Variants in NCOA2 observed in about 807,000 individuals in gnomAD.
NCOA2 encodes the protein nuclear receptor coactivator 2.
A neutral mutation model predicts 145.1 loss-of-function variants in NCOA2; 21 were observed. That is an observed-to-expected ratio of 0.14 (90% confidence interval 0.10 to 0.21). NCOA2 has a LOEUF of 0.21. Ranked by LOEUF, NCOA2 falls within the 10% of genes least tolerant of loss-of-function variation. NCOA2 has a pLI of 1.00. For synonymous variants in NCOA2, 619 were observed against 637.5 expected (o/e 0.97, Z 0.44); for missense variants, 1,472 against 1,837.6 (o/e 0.80, Z 3.64).
chr8:70,404,250 T>G (rs78574007), upstream of NCOA2, among the ~76,000 whole-genome samples: 1 of 152,018 alleles, frequency 6.6e-6, no homozygotes, highest in African/African-American at 2.4e-5. Context: ...GAGGACTGCA[T>G]GGGAGGGCAA....
the NCOA2 span, among the ~76,000 whole-genome samples, chr8:70,415,260 T>C: frequency 6.6e-6 from 1 of 152,014 alleles, no homozygotes; most frequent in East Asian, 1.9e-4. Flanking sequence ...ACCCAGGAGT[T>C]TGAGGCTTCA....
chr8:70,257,357 G>C (rs1823716593), intron 2 of NCOA2, among the ~76,000 whole-genome samples: 1 of 152,128 alleles, frequency 6.6e-6, no homozygotes, highest in African/African-American at 2.4e-5. Flanking sequence ...CATTCCTTGG[G>C]GTCCTTCCTA....
Position 70,112,774 on chromosome 8 carries a change from G to A in NCOA2, c.*858C>T, listed in dbSNP as rs1038867299. ...AAAAAGGAATGAAAATAGGGAGTAT[G>A]GGGAATGAGAGAGGGGAAGGGAAGA... is the stretch of plus-strand genomic sequence containing the variant. On this transcript the variant is annotated 3_prime_UTR_variant, in exon 23 of 23. Coordinates refer to ENST00000452400, the MANE Select transcript of NCOA2 (RefSeq NM_006540.4). 4 of 209,974 alleles carry A rather than the reference G, an allele frequency of 1.9e-5. No individual in the cohort carries two copies. Among genetic ancestry groups the A allele is most frequent in the African/African-American group, 6.8e-5 (3 of 44,016 alleles). The allele number at this position is 209,974 out of a possible 1,614,324, so 13.0% of individuals were successfully genotyped here.
intron 4 of NCOA2, among the ~76,000 whole-genome samples, chr8:70,187,070 G>A (rs1161255143): frequency 6.6e-6 from 1 of 152,184 alleles, no homozygotes; most frequent in Middle Eastern, 3.2e-3. Context: ...TAAAGCAGTA[G>A]GCAATTAAAA....
chr8:70,124,936 A>T, intron 19 of NCOA2, 71 bp from the exon 20 acceptor site: 1 of 1,370,136 alleles, frequency 7.3e-7, no homozygotes. Flanking sequence ...GGTGGGGGGG[A>T]AAGAACATTC....
intron 4 of NCOA2, among the ~76,000 whole-genome samples, chr8:70,175,070 C>T (rs1814676724): frequency 6.6e-6 from 1 of 152,216 alleles, no homozygotes; most frequent in African/African-American, 2.4e-5. Context: ...GAACCTGTGG[C>T]TTGGATCCAC....
At chr8:70,274,253 A>C (rs2135360417) in intron 2 of NCOA2, among the ~76,000 whole-genome samples, 1 of 152,246 alleles carries the variant, frequency 6.6e-6, no homozygotes, top group East Asian at 1.9e-4. Flanking sequence ...TAACTAAAGC[A>C]ACAAGAAAAA....
chr8:70,316,710 A>G (rs1586468939), intron 1 of NCOA2, among the ~76,000 whole-genome samples: 1 of 152,332 alleles, frequency 6.6e-6, no homozygotes, highest in South Asian at 2.1e-4. Context: ...TTCCTGAGCC[A>G]GTGTAATAAG....
rs546960812 is a variant in NCOA2 at position 70,254,080 on chromosome 8, G to C, written c.-19-37316C>G. Among the ~76,000 whole-genome samples, 62 of 152,184 alleles carry C rather than the reference G, an allele frequency of 4.1e-4. No homozygotes were observed. In the South Asian group the frequency reaches 8.9e-3, roughly 22 times the overall value. On this transcript the variant is annotated intron_variant, in intron 2 of 22. Coordinates refer to ENST00000452400, the MANE Select transcript of NCOA2 (RefSeq NM_006540.4). ...GGAATCTGATTTAAAAACTGGCAAA[G>C]GACTTGAATACACATTTCTCCAAAG... is the stretch of plus-strand genomic sequence containing the variant.
At chr8:70,396,151 C>T (rs1225234614) in intron 1 of NCOA2, among the ~76,000 whole-genome samples, 1 of 152,214 alleles carries the variant, frequency 6.6e-6, no homozygotes, top group East Asian at 1.9e-4. Flanking sequence ...AAACATGCAT[C>T]ACACAATCTG....
intron 1 of NCOA2, among the ~76,000 whole-genome samples, chr8:70,374,209 C>A: frequency 6.6e-6 from 1 of 152,286 alleles, no homozygotes; most frequent in East Asian, 1.9e-4. Flanking sequence ...TGGTGGCTCA[C>A]GCCTATAATC....
chr8:70,395,850 A>G (rs1240885069), intron 1 of NCOA2, among the ~76,000 whole-genome samples: 2 of 152,218 alleles, frequency 1.3e-5, no homozygotes, highest in African/African-American at 2.4e-5. Flanking sequence ...TTTCATATGG[A>G]CACACTAAAT....
chr8:70,125,785 T>C (rs1199761027), intron 19 of NCOA2, among the ~76,000 whole-genome samples: 1 of 152,158 alleles, frequency 6.6e-6, no homozygotes, highest in Non-Finnish European at 1.5e-5. Context: ...ATTCAATGTA[T>C]GCTTCTTGTT....
rs747018939 is a variant in NCOA2 at position 70,249,963 on chromosome 8, C to CAAA, written c.-19-33202_-19-33200dup. Among the ~76,000 whole-genome samples, 95 of 75,216 alleles carry CAAA rather than the reference C, an allele frequency of 1.3e-3. 3 individuals are homozygous for CAAA. Among genetic ancestry groups the CAAA allele is most frequent in the African/African-American group, 4.2e-3 (74 of 17,824 alleles). 49.3% of individuals were successfully genotyped at this position (75,216 alleles called of 152,430 possible). On this transcript the variant is annotated intron_variant, in intron 2 of 22. Transcript: ENST00000452400. ...AGGCAACAGAGAGAGAATCTGCCTC[C>CAAA]AAAAAAAAAAAAAAAAGAAGAAGAA... is the stretch of plus-strand genomic sequence containing the variant.
intron 1 of NCOA2, among the ~76,000 whole-genome samples, chr8:70,375,824 T>C (rs1286577811): frequency 6.6e-6 from 1 of 152,196 alleles, no homozygotes; most frequent in East Asian, 1.9e-4. Flanking sequence ...AAGACCATAT[T>C]ATATACATGA....
At chr8:70,332,616 T>C (rs1201293073) in intron 1 of NCOA2, among the ~76,000 whole-genome samples, 2 of 152,208 alleles carry the variant, frequency 1.3e-5, no homozygotes, top group Non-Finnish European at 2.9e-5. Flanking sequence ...ATAATGTGTA[T>C]GACTGTGTAT....
At chr8:70,162,126 G>A (rs1412500032) in intron 9 of NCOA2, among the ~76,000 whole-genome samples, 4 of 138,878 alleles carry the variant, frequency 2.9e-5, no homozygotes, top group Admixed American at 2.9e-4. Flanking sequence ...GGGCCAGTGA[G>A]AGGAGGCAAA....
chr8:70,269,966 A>AT (rs754532972), intron 2 of NCOA2, among the ~76,000 whole-genome samples: 4 of 152,218 alleles, frequency 2.6e-5, no homozygotes, highest in Admixed American at 6.5e-5. Context: ...AAAATGTTTC[A>AT]TTTATTTAAA....
At chr8:70,368,377 T>G (rs550906373) in intron 1 of NCOA2, among the ~76,000 whole-genome samples, 1 of 152,248 alleles carries the variant, frequency 6.6e-6, no homozygotes, top group East Asian at 1.9e-4. Context: ...ATGGAAAAGT[T>G]GAGGGAGGAA....
Sources: gnomAD v4.1 joint callset for allele counts (sites outside exome capture counted in the v4.1 genomes callset) on GRCh38, gnomAD v4.1.1 for gene constraint, MANE v1.5 for transcripts, NCBI Gene and HGNC (gene_info 2026-07-23, HGNC 2026-07-21) for gene names.